The following HDX variants were observed in gnomAD, a reference collection of about 807,000 sequenced individuals.
The protein encoded by HDX is highly divergent homeobox, also known as chromosome X open reading frame 43.
A neutral mutation model predicts 45.2 loss-of-function variants in HDX; 19 were observed. That is an observed-to-expected ratio of 0.42 (90% CI 0.29 to 0.62). The LOEUF is 0.62. HDX is among the 20% of genes least tolerant of loss of function. The probability of loss-of-function intolerance (pLI) is 0.20; values close to 1 mark genes in which losing one functional copy is unlikely to be tolerated. For synonymous variants in HDX, 188 were observed against 172.8 expected, an observed-to-expected ratio of 1.09 and a Z score of -0.69; for missense variants, 532 against 493.9, an observed-to-expected ratio of 1.08 and a Z score of -0.73.
intron 5 of HDX, among the ~76,000 whole-genome samples, chrX:84,369,226 A>G (rs1262311868): frequency 8.9e-6 from 1 of 112,329 alleles, no homozygotes; most frequent in Non-Finnish European, 1.9e-5. Flanking sequence ...AAGTTTATCT[A>G]TGTCACAGCA....
chrX:84,473,561 T>A (rs903801114), intron 3 of HDX, among the ~76,000 whole-genome samples: 3 of 111,441 alleles, frequency 2.7e-5, no homozygotes, highest in Non-Finnish European at 3.8e-5. Flanking sequence ...AATTATATAT[T>A]TCATTCCCAT....
chrX:84,382,170 G>GTGA (rs1212980659), intron 5 of HDX, among the ~76,000 whole-genome samples: 2 of 111,631 alleles, frequency 1.8e-5, no homozygotes, highest in Non-Finnish European at 3.8e-5. Flanking sequence ...AGCTAAAGTG[G>GTGA]CTTGTATCCA....
intron 5 of HDX, among the ~76,000 whole-genome samples, chrX:84,382,971 A>G (rs1475884112): frequency 9.0e-6 from 1 of 111,426 alleles, no homozygotes; most frequent in Admixed American, 9.6e-5. Flanking sequence ...CGCATAATAT[A>G]TATACCTACT....
intron 6 of HDX, among the ~76,000 whole-genome samples, chrX:84,345,351 G>A (rs2037175856): frequency 9.0e-6 from 1 of 110,864 alleles, no homozygotes; most frequent in Admixed American, 9.6e-5. Context: ...CTCCATAACT[G>A]TGCTTTTTCA....
Position 84,414,799 on chromosome X carries a change from G to A in HDX, c.1305+25733C>T, listed in dbSNP as rs144175855. ...CTCTGTGTTTGTCATCTGTAAAGGT[G>A]AGGTAGAAATGCCTGCCCTACCTAA... On this transcript the variant is annotated intron_variant, in intron 5 of 10. Coordinates refer to ENST00000373177, the MANE Select transcript of HDX (RefSeq NM_001177479.2). Among the ~76,000 whole-genome samples, 706 of 111,886 alleles carry A rather than the reference G, an allele frequency of 6.3e-3. 5 individuals are homozygous for A. The highest frequency in any genetic ancestry group is 0.021 in the African/African-American group (650 of 30,815).
chrX:84,350,319 A>T (rs2037314296), intron 6 of HDX, among the ~76,000 whole-genome samples: 1 of 111,257 alleles, frequency 9.0e-6, no homozygotes, highest in Non-Finnish European at 1.9e-5. Flanking sequence ...TGGGTTGTGC[A>T]TTCTACTAGT....
chrX:84,456,829 C>T (rs1287373642), intron 4 of HDX, among the ~76,000 whole-genome samples: 1 of 111,677 alleles, frequency 9.0e-6, no homozygotes, highest in South Asian at 3.7e-4. Context: ...GAGGCTATAA[C>T]AGTTGTAAAT....
chrX:84,365,753 C>A (rs1308632229), intron 5 of HDX, among the ~76,000 whole-genome samples: 1 of 111,820 alleles, frequency 8.9e-6, no homozygotes, highest in East Asian at 2.8e-4. Flanking sequence ...TAATTTTAGG[C>A]CTTAGACCAC....
At chrX:84,429,349 T>A (rs900284300) in intron 5 of HDX, among the ~76,000 whole-genome samples, 2 of 110,886 alleles carry the variant, frequency 1.8e-5, no homozygotes, top group African/African-American at 6.5e-5. Context: ...ACACTTTAAA[T>A]TTTTTCACAA....
At chrX:84,451,426 A>G (rs772928903) in intron 4 of HDX, among the ~76,000 whole-genome samples, 1 of 111,131 alleles carries the variant, frequency 9.0e-6, no homozygotes, top group East Asian at 2.8e-4. Flanking sequence ...ACCTAGAGGA[A>G]ATGGATACGT....
At chrX:84,487,887 A>T (rs1010876825) in intron 2 of HDX, 137 bp downstream of exon 2, 2 of 112,292 alleles carry the variant, frequency 1.8e-5, no homozygotes, top group Admixed American at 9.5e-5. Flanking sequence ...ACTGACTCAG[A>T]ATTTACTCTC....
At chrX:84,385,945 G>A (rs185062087) in intron 5 of HDX, among the ~76,000 whole-genome samples, 2 of 104,772 alleles carry the variant, frequency 1.9e-5, no homozygotes, top group African/African-American at 3.5e-5. Flanking sequence ...TTCTCAAGGG[G>A]AATGGTTCTA....
chrX:84,397,015 G>C (rs1485805230), intron 5 of HDX, among the ~76,000 whole-genome samples: 1 of 112,236 alleles, frequency 8.9e-6, no homozygotes, highest in Non-Finnish European at 1.9e-5. Flanking sequence ...GCTTTCAGTG[G>C]CAGCTGCCAT....
At chrX:84,473,805 GA>G (rs1000482617) in intron 3 of HDX, among the ~76,000 whole-genome samples, 10 of 106,715 alleles carry the variant, frequency 9.4e-5, no homozygotes, top group East Asian at 2.9e-4. Context: ...ATTACTGCAG[GA>G]AAAAAAAAAG....
chrX:84,344,446 C>A lies in HDX; in HGVS notation c.1464G>T (p.Gly488=). Residue 488 remains glycine (G), a synonymous_variant, in exon 7 of 11, where the codon GGG becomes GGT. Transcript: ENST00000373177. ...VDCEIVRTWI[G]NRRRKYRLMG... ...TTAAACGATATTTCCTTCTTCGATTCCCAATCCAAGTCTTTATAAGAGAAA... is the reference window on the plus strand; with the variant it reads ...TTAAACGATATTTCCTTCTTCGATTACCAATCCAAGTCTTTATAAGAGAAA... 1.7e-6 allele frequency: 2 copies of A among 1,193,028 alleles called. No individual in the cohort carries two copies. The highest frequency in any genetic ancestry group is 2.3e-4 in the Middle Eastern group (1 of 4,300).
chrX:84,329,977 T>C (rs1439701040), intron 9 of HDX, among the ~76,000 whole-genome samples: 1 of 111,892 alleles, frequency 8.9e-6, no homozygotes, highest in African/African-American at 3.2e-5. Context: ...TATTTTTATA[T>C]GCTGAATTGT....
intron 4 of HDX, among the ~76,000 whole-genome samples, chrX:84,462,382 TGGAG>T (rs2040257935): frequency 8.9e-6 from 1 of 111,943 alleles, no homozygotes; most frequent in Admixed American, 9.5e-5. Flanking sequence ...GAGATGGAAC[TGGAG>T]GTCATTATGT....
chrX:84,415,651 T>C (rs1273824986), intron 5 of HDX, among the ~76,000 whole-genome samples: 1 of 112,493 alleles, frequency 8.9e-6, no homozygotes, highest in Non-Finnish European at 1.9e-5. Context: ...TGTTTTGTTT[T>C]GTTTTTCCTT....
rs535550392 is a variant in HDX, at chrX:84,337,204, G to C, written c.1661-324C>G. On this transcript the variant is annotated intron_variant, in intron 7 of 10. Transcript: ENST00000373177. ...TGAAGCCGCTAAAATTGAAATAGAA[G>C]AACAGTAGTTATAAGGAAATATTCA... is the stretch of plus-strand genomic sequence containing the variant. Among the ~76,000 whole-genome samples the C allele has an allele frequency of 3.6e-5, 4 of 110,494 alleles. No homozygotes were observed. The South Asian group carries it at 1.5e-3, about 41-fold the overall frequency.
Sources: gnomAD v4.1 joint callset for allele counts (sites outside exome capture counted in the v4.1 genomes callset) on GRCh38, gnomAD v4.1.1 for gene constraint, MANE v1.5 for transcripts, NCBI Gene and HGNC (gene_info 2026-07-23, HGNC 2026-07-21) for gene names.